The following ADGRE1 variants were observed in gnomAD, a reference collection of about 807,000 sequenced individuals.
The protein encoded by ADGRE1 is adhesion G protein-coupled receptor E1, also known as EGF-like module receptor 1.
A neutral mutation model predicts 102.7 loss-of-function variants in ADGRE1; 82 were observed. The observed-to-expected ratio is 0.80, with a 90% CI of 0.67 to 0.96. The LOEUF (loss-of-function observed/expected upper bound fraction) is 0.96. ADGRE1 is among the 40% of genes least tolerant of loss of function. The pLI, the probability that ADGRE1 is intolerant of heterozygous loss-of-function variation, is 0.00. For missense variants in ADGRE1, 1,032 were observed against 1,085.3 expected (o/e 0.95, Z 0.69); for synonymous variants, 398 against 399.6 (o/e 1.00, Z 0.05).
At position 6,937,690 on chromosome 19, in the gene ADGRE1, G is replaced by A. The variant is rs771922732; in HGVS notation, c.2655+42G>A. ...TCCCTGCAGGTGCTGGTCGAGGGAG[G>A]TGCCGGCCTCTTGGTGACACTCAGC... On this transcript the variant is annotated intron_variant, in intron 20 of 20. Coordinates refer to ENST00000312053, the MANE Select transcript of ADGRE1 (RefSeq NM_001974.5). 24 of 1,590,978 alleles carry A rather than the reference G, an allele frequency of 1.5e-5. No homozygotes were observed. In the South Asian group the frequency reaches 1.5e-4, roughly 10 times the overall value.
intron 2 of ADGRE1, among the ~76,000 whole-genome samples, chr19:6,891,585 C>T (rs1599708488): frequency 6.6e-6 from 1 of 151,856 alleles, no homozygotes; most frequent in African/African-American, 2.4e-5. Flanking sequence ...TCCCGAGTAG[C>T]TGGGACTACA....
rs548945344 is a variant in ADGRE1 at position 6,902,615 on chromosome 19, A to G, written c.661+594A>G. ...GGCACCATGTCCAGCTAATTTTTGT[A>G]TTTTTAGTAGAGACAAGGTTTCACC... On this transcript the variant is annotated intron_variant, in intron 6 of 20. Transcript: ENST00000312053. Among the ~76,000 whole-genome samples the G allele has an allele frequency of 1.3e-5, 2 of 151,250 alleles. 1 individual carries two copies. The highest frequency in any genetic ancestry group is 4.2e-4 in the South Asian group (2 of 4,788).
At position 6,915,920 on chromosome 19, in the gene ADGRE1, C is replaced by CAAAAAAAAAAAAAA. The variant is rs67370670; in HGVS notation, c.1301-316_1301-303dup. Among the ~76,000 whole-genome samples the CAAAAAAAAAAAAAA allele has an allele frequency of 1.9e-4, 11 of 59,162 alleles. 1 individual carries two copies. Among genetic ancestry groups the CAAAAAAAAAAAAAA allele is most frequent in the Admixed American group, 6.9e-4 (3 of 4,324 alleles). The allele number at this position is 59,162 out of a possible 152,430, so 38.8% of individuals were successfully genotyped here. On this transcript the variant is annotated intron_variant, in intron 11 of 20. Coordinates refer to ENST00000312053, the MANE Select transcript of ADGRE1 (RefSeq NM_001974.5). The stretch of plus-strand genomic sequence containing the variant: ...TAAGTGACAGAGTGAGACTCCGTCT[C>CAAAAAAAAAAAAAA]AAAAAAAAAAAAAAAAAAAAAAAAA...
rs866119561 is a variant in ADGRE1 at position 6,938,785 on chromosome 19, C to T, written c.2655+1137C>T. 3.6e-3 allele frequency among the ~76,000 whole-genome samples: 536 copies of T among 147,340 alleles called. 2 individuals are homozygous for T. The highest frequency in any genetic ancestry group is 0.013 in the African/African-American group (506 of 39,534). On this transcript the variant is annotated intron_variant, in intron 20 of 20. Transcript: ENST00000312053. ...GCTCTATTTTCTTTTTTCTTTCTTT[C>T]TTTCTTTCTTTTTTTCTTTTTTTTT...
chr19:6,901,623 G>C (rs1414311797), intron 5 of ADGRE1, among the ~76,000 whole-genome samples: 1 of 152,134 alleles, frequency 6.6e-6, no homozygotes, highest in Non-Finnish European at 1.5e-5. Flanking sequence ...TGATAATTAT[G>C]TTTTGAAACT....
In ADGRE1 at chr19:6,899,264, GC is replaced by G. The variant is rs1443324983; in HGVS notation, c.514+1718del. Among the ~76,000 whole-genome samples the G allele has an allele frequency of 7.2e-5, 11 of 152,266 alleles. No individual in the cohort carries two copies. The East Asian group carries it at 2.1e-3, about 29-fold the overall frequency. ...TCAACCGGTGATGGTGGGGAGAGGTGCTGTGTATGGCATCTGATGGGAAGAG... is the reference window on the plus strand; with the variant it reads ...TCAACCGGTGATGGTGGGGAGAGGTGTGTGTATGGCATCTGATGGGAAGAG... On this transcript the variant is annotated intron_variant, in intron 5 of 20. Transcript: ENST00000312053.
At chr19:6,923,375 G>A (rs1369458664) in intron 14 of ADGRE1, among the ~76,000 whole-genome samples, 1 of 152,112 alleles carries the variant, frequency 6.6e-6, no homozygotes. Context: ...TGGCACAGTT[G>A]TACTTGAAAT....
In ADGRE1 at chr19:6,896,444, C is replaced by T; in HGVS notation, c.141C>T (p.Cys47=). ...CCTTGTGCCCAGCTTATGCCACCTG[C>T]ACCAATACAGTGGACAGTTACTATT... The part of the protein sequence containing the change: ...DSTLCPAYAT[C]TNTVDSYYCA... Residue 47 remains cysteine (C), a synonymous_variant, in exon 3 of 21, where the codon TGC becomes TGT. Transcript: ENST00000312053. The T allele has an allele frequency of 6.2e-7, 1 of 1,614,128 alleles. No homozygotes were observed. Among genetic ancestry groups the T allele is most frequent in the Non-Finnish European group, 8.5e-7 (1 of 1,179,984 alleles).
chr19:6,920,144 G>A (rs1467032955), intron 13 of ADGRE1, among the ~76,000 whole-genome samples: 5 of 152,144 alleles, frequency 3.3e-5, no homozygotes, highest in African/African-American at 1.2e-4. Context: ...GTGATGCAGG[G>A]AGGTGTGATC....
intron 11 of ADGRE1, among the ~76,000 whole-genome samples, 198 bp from the exon 12 acceptor site, chr19:6,916,051 G>A (rs535887419): frequency 1.1e-4 from 17 of 151,952 alleles, no homozygotes; most frequent in African/African-American, 4.1e-4. Context: ...TAAGGCTCCA[G>A]CTGGGTTACT....
rs2144975136 is a variant in ADGRE1 at position 6,919,844 on chromosome 19, A to G, written c.1620+97A>G. The G allele has an allele frequency of 9.0e-6, 11 of 1,218,226 alleles. No individual in the cohort carries two copies. In the South Asian group the frequency reaches 1.5e-4, roughly 17 times the overall value. The allele number at this position is 1,218,226 out of a possible 1,614,324, so 75.5% of individuals were successfully genotyped here. On this transcript the variant is annotated intron_variant, in intron 13 of 20. Transcript: ENST00000312053. ...TCTCATTTTTTACGGGAAGCTATTGAGGCCGGTAAGCTTCCACAATTTCCA... is the reference window on the plus strand; with the variant it reads ...TCTCATTTTTTACGGGAAGCTATTGGGGCCGGTAAGCTTCCACAATTTCCA...
intron 17 of ADGRE1, 51 bp downstream of exon 17, chr19:6,928,262 A>G (rs1264925518): frequency 1.2e-6 from 2 of 1,613,874 alleles, no homozygotes; most frequent in Non-Finnish European, 1.7e-6. Flanking sequence ...AGGAGGAGCA[A>G]GGAGACCTGC....
At chr19:6,921,628 G>T in intron 13 of ADGRE1, 85 bp from the exon 14 acceptor site, 3 of 1,408,148 alleles carry the variant, frequency 2.1e-6, no homozygotes, top group East Asian at 2.5e-5. Context: ...CTTGTTCCCA[G>T]TGACTCTTGA....
At chr19:6,916,525 G>T (rs1227978006) in intron 12 of ADGRE1, among the ~76,000 whole-genome samples, 157 bp downstream of exon 12, 1 of 152,082 alleles carries the variant, frequency 6.6e-6, no homozygotes, top group Non-Finnish European at 1.5e-5. Flanking sequence ...TGCTAGGGAA[G>T]TCAAACATTA....
In ADGRE1 at chr19:6,920,516, CTTTTTTTTT is replaced by C. The variant is rs3053967; in HGVS notation, c.1620+785_1620+793del. Among the ~76,000 whole-genome samples, 64 of 75,752 alleles carry C rather than the reference CTTTTTTTTT, an allele frequency of 8.4e-4. 1 individual carries two copies. The East Asian group carries it at 0.039, about 46-fold the overall frequency. The allele number at this position is 75,752 out of a possible 152,430, so 49.7% of individuals were successfully genotyped here. Reference sequence around the variant, plus strand: ...TTACAGGCATGAACCACCATGCCCGCTTTTTTTTTTTTTTTTTTTTTTTTGAGATGGAGT... The same window carrying C: ...TTACAGGCATGAACCACCATGCCCGCTTTTTTTTTTTTTTTGAGATGGAGT... On this transcript the variant is annotated intron_variant, in intron 13 of 20. Coordinates refer to ENST00000312053, the MANE Select transcript of ADGRE1 (RefSeq NM_001974.5).
chr19:6,903,189 T>C (rs1259021981), intron 6 of ADGRE1, among the ~76,000 whole-genome samples: 4 of 152,178 alleles, frequency 2.6e-5, no homozygotes, highest in African/African-American at 9.7e-5. Context: ...GGGTAGTAAC[T>C]TTTGGGTCAT....
intron 11 of ADGRE1, 98 bp from the exon 12 acceptor site, chr19:6,916,151 G>C: frequency 7.3e-7 from 1 of 1,368,054 alleles, no homozygotes; most frequent in Non-Finnish European, 1.0e-6. Flanking sequence ...CTTTTCCTTT[G>C]CTCGCCATGA....
intron 6 of ADGRE1, among the ~76,000 whole-genome samples, chr19:6,902,792 A>T (rs1270899334): frequency 6.6e-6 from 1 of 152,186 alleles, no homozygotes; most frequent in Non-Finnish European, 1.5e-5. Context: ...GCTGGAGTGC[A>T]GTGGCTTGAT....
chr19:6,933,743 A>G (rs4635445), intron 17 of ADGRE1, among the ~76,000 whole-genome samples: 79,345 of 151,760 alleles, frequency 0.52, 22,644 homozygotes, highest in African/African-American at 0.75. Flanking sequence ...CATTTAGTGC[A>G]TAGAAGCCAG....
Sources: allele counts gnomAD v4.1 joint callset (sites outside exome capture counted in the v4.1 genomes callset), GRCh38; gene constraint gnomAD v4.1.1; transcripts MANE v1.5; gene names NCBI Gene and HGNC (gene_info 2026-07-23, HGNC 2026-07-21).